Variants in SPRED2 observed in about 807,000 individuals in gnomAD.
SPRED2 encodes the protein sprouty related EVH1 domain containing 2.
In SPRED2, 47 loss-of-function variants were observed where a neutral mutation model predicts 43.0. That is an observed-to-expected ratio of 1.09 (90% CI 0.87 to 1.40). The LOEUF (loss-of-function observed/expected upper bound fraction) is 1.40, where lower values mean the gene tolerates loss of function less well. Among genes scored for constraint, SPRED2 ranks in the 40% most tolerant of loss-of-function variants. The pLI, the probability that SPRED2 is intolerant of heterozygous loss-of-function variation, is 0.00. For synonymous variants in SPRED2, 225 were observed against 225.7 expected (o/e 1.00, Z 0.03); for missense variants, 561 against 586.4 (o/e 0.96, Z 0.45).
rs530589572 is a variant in SPRED2, at chr2:65,388,192, A to G, written c.27-43296T>C. Among the ~76,000 whole-genome samples, 7 of 152,332 alleles carry G rather than the reference A, an allele frequency of 4.6e-5. 1 individual carries two copies. Among genetic ancestry groups the G allele is most frequent in the Admixed American group, 4.6e-4 (7 of 15,304 alleles). ...AGAGCTGGGCCAGCGCCTCACCCACATGCTGTGTTCACTTATTTTAATAAA... is the reference window on the plus strand; with the variant it reads ...AGAGCTGGGCCAGCGCCTCACCCACGTGCTGTGTTCACTTATTTTAATAAA... On this transcript the variant is annotated intron_variant, in intron 1 of 5. Transcript: ENST00000356388.
intron 1 of SPRED2, among the ~76,000 whole-genome samples, chr2:65,355,513 T>C (rs1558665974): frequency 6.6e-6 from 1 of 152,158 alleles, no homozygotes; most frequent in African/African-American, 2.4e-5. Context: ...GGTCAGGAGT[T>C]TGAGACTAGC....
At chr2:65,414,882 A>G (rs1676238521) in intron 1 of SPRED2, among the ~76,000 whole-genome samples, 1 of 152,186 alleles carries the variant, frequency 6.6e-6, no homozygotes, top group African/African-American at 2.4e-5. Context: ...TGTAAAAGCC[A>G]GATAGTTGTG....
chr2:65,344,903 C>T lies in SPRED2; in HGVS notation c.27-7G>A, dbSNP rs747590093. On this transcript the variant is annotated splice_polypyrimidine_tract_variant and splice_region_variant and intron_variant, in intron 1 of 5. Transcript: ENST00000356388. ...ACGCACAATATAGCTGTCACTAAAA[C>T]GACAAGAAGAAGAAGCACAGGGCAT... 9.9e-6 allele frequency: 16 copies of T among 1,610,552 alleles called. No homozygotes were observed. Among genetic ancestry groups the T allele is most frequent in the African/African-American group, 2.7e-5 (2 of 74,826 alleles).
rs776512353 is a variant in SPRED2 at position 65,401,937 on chromosome 2, G to GCGCACACACACACA, written c.26+30024_26+30025insTGTGTGTGTGTGCG. Among the ~76,000 whole-genome samples the GCGCACACACACACA allele has an allele frequency of 2.6e-3, 298 of 114,740 alleles. 1 individual carries two copies. The highest frequency in any genetic ancestry group is 8.1e-3 in the East Asian group (36 of 4,444). The allele number at this position is 114,740 out of a possible 152,430, so 75.3% of individuals were successfully genotyped here. Reference sequence around the variant, plus strand: ...ACGATCAGAATATTAGCGCGCGCGCGCACACACACACACACACACACACAC... The same window carrying GCGCACACACACACA: ...ACGATCAGAATATTAGCGCGCGCGCGCGCACACACACACACACACACACACACACACACACACAC... On this transcript the variant is annotated intron_variant, in intron 1 of 5. Transcript: ENST00000356388.
intron 1 of SPRED2, among the ~76,000 whole-genome samples, chr2:65,404,826 G>A (rs1037738736): frequency 1.3e-5 from 2 of 152,140 alleles, no homozygotes; most frequent in African/African-American, 4.8e-5. Context: ...TACCTCCCCA[G>A]CATGAACAGA....
intron 4 of SPRED2, among the ~76,000 whole-genome samples, chr2:65,325,925 T>A (rs541374234): frequency 1.3e-5 from 2 of 152,048 alleles, no homozygotes; most frequent in South Asian, 4.2e-4. Context: ...GGAGGTTACA[T>A]TGAGCTGATA....
chr2:65,345,044 C>A, intron 1 of SPRED2, 148 bp from the exon 2 acceptor site: 1 of 667,844 alleles, frequency 1.5e-6, no homozygotes, highest in Non-Finnish European at 2.4e-6. Flanking sequence ...AAAAGTGGTC[C>A]ATCTCAACTT....
At chr2:65,417,739 C>T (rs1572904147) in intron 1 of SPRED2, among the ~76,000 whole-genome samples, 5 of 152,330 alleles carry the variant, frequency 3.3e-5, no homozygotes, top group Admixed American at 3.3e-4. Context: ...CACTCAGCCT[C>T]TCCAGATTGC....
At chr2:65,316,089 T>C (rs1329911493) in intron 5 of SPRED2, among the ~76,000 whole-genome samples, 1 of 152,246 alleles carries the variant, frequency 6.6e-6, no homozygotes, top group Admixed American at 6.5e-5. Context: ...CTCACTGCCC[T>C]TTTTTCTCAT....
At chr2:65,326,929 C>G in intron 4 of SPRED2, among the ~76,000 whole-genome samples, 1 of 152,138 alleles carries the variant, frequency 6.6e-6, no homozygotes, top group East Asian at 1.9e-4. Context: ...CAGCCTTGAC[C>G]TCTCAGGCTC....
At chr2:65,380,221 G>A (rs1355544937) in intron 1 of SPRED2, among the ~76,000 whole-genome samples, 1 of 152,146 alleles carries the variant, frequency 6.6e-6, no homozygotes, top group Non-Finnish European at 1.5e-5. Context: ...GGTCCCATTT[G>A]TAGCTATGCA....
intron 1 of SPRED2, among the ~76,000 whole-genome samples, chr2:65,365,604 T>C (rs1397290228): frequency 6.6e-6 from 1 of 152,184 alleles, no homozygotes; most frequent in East Asian, 1.9e-4. Context: ...AAATGCTAAA[T>C]CTTAGGCAAA....
intron 4 of SPRED2, among the ~76,000 whole-genome samples, chr2:65,318,683 T>C (rs932956825): frequency 1.3e-5 from 2 of 152,194 alleles, no homozygotes; most frequent in African/African-American, 4.8e-5. Flanking sequence ...TATTTATTTA[T>C]GTATTTGGGA....
intron 4 of SPRED2, among the ~76,000 whole-genome samples, 190 bp from the exon 5 acceptor site, chr2:65,317,073 A>G (rs757506864): frequency 1.2e-4 from 18 of 152,244 alleles, no homozygotes; most frequent in Non-Finnish European, 2.5e-4. Context: ...TCTAAACACA[A>G]TGTGGCTGGT....
At chr2:65,401,937 G>GCACACACACACACACACA (rs1553426622) in intron 1 of SPRED2, among the ~76,000 whole-genome samples, 1 of 114,712 alleles carries the variant, frequency 8.7e-6, no homozygotes, top group African/African-American at 3.4e-5. Flanking sequence ...GCGCGCGCGC[G>GCACACACACACACACACA]CACACACACA....
intron 4 of SPRED2, among the ~76,000 whole-genome samples, chr2:65,328,868 G>A (rs943980312): frequency 2.0e-5 from 3 of 152,116 alleles, no homozygotes; most frequent in Admixed American, 6.5e-5. Context: ...GGATAGAGTA[G>A]GTAGAAAAAA....
At position 65,432,467 on chromosome 2, in the gene SPRED2, AG is replaced by A. The variant is rs1173089832; in HGVS notation, c.-481del. The stretch of plus-strand genomic sequence containing the variant: ...GGGAGGTGCGCCTGGGAGGCGGTGC[AG>A]GGCGCCCCGTCCGAGCCCCATCTCT... On this transcript the variant is annotated 5_prime_UTR_variant, in exon 1 of 6. It removes the in-frame stop codon of an upstream open reading frame in the 5' UTR. Transcript: ENST00000356388. 1.9e-5 allele frequency: 3 copies of A among 161,976 alleles called. No homozygotes were observed. The highest frequency in any genetic ancestry group is 2.7e-5 in the Non-Finnish European group (2 of 74,750). 10.0% of individuals were successfully genotyped at this position (161,976 alleles called of 1,614,324 possible).
intron 1 of SPRED2, among the ~76,000 whole-genome samples, chr2:65,359,272 C>T (rs1455866148): frequency 6.6e-6 from 1 of 152,198 alleles, no homozygotes; most frequent in Non-Finnish European, 1.5e-5. Context: ...CACATATTTC[C>T]CATGTTACTT....
rs558208921 is a variant in SPRED2 at position 65,319,878 on chromosome 2, T to G, written c.439-2995A>C. On this transcript the variant is annotated intron_variant, in intron 4 of 5. Transcript: ENST00000356388. Reference sequence around the variant, plus strand: ...GTCACTGGCAGAGCTGGGACTGAAATGCAGCCTCCCTGACCACAAAGCCCA... The same window carrying G: ...GTCACTGGCAGAGCTGGGACTGAAAGGCAGCCTCCCTGACCACAAAGCCCA... 3.3e-5 allele frequency among the ~76,000 whole-genome samples: 5 copies of G among 152,254 alleles called. No homozygotes were observed. In the East Asian group the frequency reaches 9.6e-4, roughly 29 times the overall value.
Sources: allele counts gnomAD v4.1 joint callset (sites outside exome capture counted in the v4.1 genomes callset), GRCh38; gene constraint gnomAD v4.1.1; transcripts MANE v1.5; gene names NCBI Gene and HGNC (gene_info 2026-07-23, HGNC 2026-07-21).